The following SMYD3 variants were observed in gnomAD, a reference collection of about 807,000 sequenced individuals.
The protein encoded by SMYD3 is SET and MYND domain containing 3.
In SMYD3, 36 loss-of-function variants were observed where a neutral mutation model predicts 57.7. The ratio of observed to expected loss-of-function variants is 0.62; its 90% CI spans 0.48 to 0.82. The LOEUF (loss-of-function observed/expected upper bound fraction) is 0.82, where lower values mean the gene tolerates loss of function less well. Ranked by LOEUF, SMYD3 falls within the 40% of genes least tolerant of loss-of-function variation. SMYD3 has a pLI of 0.00. For synonymous variants in SMYD3, 211 were observed against 195.0 expected, an observed-to-expected ratio of 1.08 and a Z score of -0.68; for missense variants, 515 against 538.8, an observed-to-expected ratio of 0.96 and a Z score of 0.44.
chr1:246,488,297 G>C lies in SMYD3; in HGVS notation c.164+18757C>G, dbSNP rs996384060. On this transcript the variant is annotated intron_variant, in intron 1 of 11. Transcript: ENST00000490107. ...AAGAAAGGTATTACTATAGATCTCTGATACAGAAAGGTCAAGTTCAAGAAA... is the reference window on the plus strand; with the variant it reads ...AAGAAAGGTATTACTATAGATCTCTCATACAGAAAGGTCAAGTTCAAGAAA... Among the ~76,000 whole-genome samples, 4 of 152,320 alleles carry C rather than the reference G, an allele frequency of 2.6e-5. No individual in the cohort carries two copies. In the East Asian group the frequency reaches 7.7e-4, roughly 29 times the overall value.
intron 10 of SMYD3, among the ~76,000 whole-genome samples, chr1:245,838,580 T>C (rs1488452542): frequency 3.9e-5 from 6 of 152,318 alleles, no homozygotes; most frequent in Non-Finnish European, 7.3e-5. Flanking sequence ...TTCTGATGCC[T>C]AACATTTTGT....
chr1:246,139,530 T>C (rs1050821043), intron 5 of SMYD3, among the ~76,000 whole-genome samples: 3 of 152,212 alleles, frequency 2.0e-5, no homozygotes, highest in Admixed American at 2.0e-4. Context: ...TTCTAGTAAT[T>C]CCCTTTGTCA....
chr1:246,129,638 A>G (rs2061559046), intron 5 of SMYD3, among the ~76,000 whole-genome samples: 1 of 152,194 alleles, frequency 6.6e-6, no homozygotes, highest in Non-Finnish European at 1.5e-5. Flanking sequence ...ATCAAACCTG[A>G]ATAAAGAGCT....
chr1:246,327,060 C>T (rs906908179), intron 5 of SMYD3, 141 bp downstream of exon 5: 2 of 955,408 alleles, frequency 2.1e-6, no homozygotes, highest in African/African-American at 3.3e-5. Context: ...TCATGCTCTA[C>T]TCACTATGAT....
At chr1:246,290,920 T>C (rs2064677276) in intron 5 of SMYD3, among the ~76,000 whole-genome samples, 1 of 152,184 alleles carries the variant, frequency 6.6e-6, no homozygotes, top group Non-Finnish European at 1.5e-5. Context: ...CTCCTGAGGT[T>C]ATATATTTAT....
Position 246,327,292 on chromosome 1 carries a change from A to C in SMYD3, c.440T>G (p.Leu147Arg). Reference protein sequence around the residue: ...TEDKKEGLRQLVMTFQHFMRE... With the variant: ...TEDKKEGLRQRVMTFQHFMRE... ...CATGAAATGTTGAAATGTCATTACG[A>C]GTTGCCTGAGGCCCTCTTTCTTATC... The change falls in exon 5 of 12, where the codon CTC becomes CGC. Residue 147 changes from leucine to arginine, a missense_variant. Coordinates refer to ENST00000490107, the MANE Select transcript of SMYD3 (RefSeq NM_001167740.2). 6.2e-7 allele frequency: 1 copy of C among 1,614,056 alleles called. No homozygotes were observed. Among genetic ancestry groups the C allele is most frequent in the Non-Finnish European group, 8.5e-7 (1 of 1,179,950 alleles).
intron 3 of SMYD3, among the ~76,000 whole-genome samples, chr1:246,333,815 G>A (rs1572392219): frequency 1.3e-5 from 2 of 152,284 alleles, no homozygotes; most frequent in East Asian, 3.9e-4. Context: ...GAGCCCCAGA[G>A]GTTGAGGCTG....
rs59690676 is a variant in SMYD3 at position 245,955,581 on chromosome 1, C to T, written c.532-25644G>A. Among the ~76,000 whole-genome samples the T allele has an allele frequency of 8.9e-3, 1,353 of 152,238 alleles. 23 individuals carry two copies. Among genetic ancestry groups the T allele is most frequent in the African/African-American group, 0.031 (1,293 of 41,530 alleles). Reference sequence around the variant, plus strand: ...TACATCCAAATAGATTTACCTGATACCTGAGTATAGATAGTACAGTATATT... The same window carrying T: ...TACATCCAAATAGATTTACCTGATATCTGAGTATAGATAGTACAGTATATT... On this transcript the variant is annotated intron_variant, in intron 5 of 11. Transcript: ENST00000490107.
chr1:245,935,653 T>C (rs1418443901), intron 5 of SMYD3, among the ~76,000 whole-genome samples: 1 of 152,130 alleles, frequency 6.6e-6, no homozygotes, highest in African/African-American at 2.4e-5. Flanking sequence ...CATCAACAAA[T>C]GGATCAAGAA....
chr1:245,956,397 C>T (rs2057841814), intron 5 of SMYD3, among the ~76,000 whole-genome samples: 1 of 152,216 alleles, frequency 6.6e-6, no homozygotes, highest in South Asian at 2.1e-4. Flanking sequence ...GATATTCAGC[C>T]ACAAAAGGCT....
intron 5 of SMYD3, among the ~76,000 whole-genome samples, chr1:245,990,477 T>G (rs994092990): frequency 6.6e-6 from 1 of 152,210 alleles, no homozygotes. Context: ...CGACCTTGAA[T>G]AAAATTTCTG....
chr1:246,074,613 T>A (rs1265543804), intron 5 of SMYD3, among the ~76,000 whole-genome samples: 1 of 152,190 alleles, frequency 6.6e-6, no homozygotes, highest in Non-Finnish European at 1.5e-5. Context: ...TAAAGCTTTT[T>A]AAATTGAAGC....
At chr1:246,142,140 C>A (rs777120645) in intron 5 of SMYD3, among the ~76,000 whole-genome samples, 1 of 152,144 alleles carries the variant, frequency 6.6e-6, no homozygotes, top group Non-Finnish European at 1.5e-5. Flanking sequence ...CATTTCAAGA[C>A]CCTCAGTGGG....
chr1:246,265,318 T>A (rs1479272556), intron 5 of SMYD3, among the ~76,000 whole-genome samples: 3 of 150,032 alleles, frequency 2.0e-5, no homozygotes, highest in Non-Finnish European at 4.4e-5. Context: ...TTTTTTTTTT[T>A]GTAATAGACA....
intron 5 of SMYD3, among the ~76,000 whole-genome samples, chr1:246,308,936 A>C (rs10924685): frequency 0.01 from 1,546 of 152,262 alleles, 36 homozygotes; most frequent in African/African-American, 0.035. Context: ...AAAAAATGTA[A>C]AATTACTTAT....
intron 5 of SMYD3, among the ~76,000 whole-genome samples, chr1:246,004,556 A>G (rs2059137169): frequency 6.6e-6 from 1 of 152,240 alleles, no homozygotes; most frequent in African/African-American, 2.4e-5. Context: ...ACTATGAAAC[A>G]CGACTGTTCT....
chr1:246,208,844 T>TG (rs11407617), intron 5 of SMYD3, among the ~76,000 whole-genome samples: 3,701 of 152,190 alleles, frequency 0.024, 161 homozygotes, highest in African/African-American at 0.084. Context: ...GCATGTGGAA[T>TG]GGGGGAAAAC....
chr1:245,774,420 T>C (rs79645575), intron 10 of SMYD3, among the ~76,000 whole-genome samples: 4,111 of 152,250 alleles, frequency 0.027, 180 homozygotes, highest in Admixed American at 0.11. Flanking sequence ...TGGAATGACA[T>C]CTTCCATGTT....
chr1:245,964,593 G>A (rs1393957870), intron 5 of SMYD3, among the ~76,000 whole-genome samples: 1 of 152,048 alleles, frequency 6.6e-6, no homozygotes, highest in African/African-American at 2.4e-5. Flanking sequence ...AATGAAAAAA[G>A]GACATGAAAG....
Sources: allele counts gnomAD v4.1 joint callset (sites outside exome capture counted in the v4.1 genomes callset), GRCh38; gene constraint gnomAD v4.1.1; transcripts MANE v1.5; gene names NCBI Gene and HGNC (gene_info 2026-07-23, HGNC 2026-07-21).